The following ADAM22 variants were observed in gnomAD, a reference collection of about 807,000 sequenced individuals.
The protein encoded by ADAM22 is disintegrin and metalloproteinase domain-containing protein 22.
A neutral mutation model predicts 144.6 loss-of-function variants in ADAM22; 65 were observed. That is an observed-to-expected ratio of 0.45 (90% CI 0.37 to 0.55). The LOEUF is 0.55. Among genes scored for constraint, ADAM22 ranks in the 20% least tolerant of loss-of-function variants. The probability of loss-of-function intolerance (pLI) is 0.00; values close to 1 mark genes in which losing one functional copy is unlikely to be tolerated. For synonymous variants in ADAM22, 391 were observed against 412.6 expected (o/e 0.95, Z 0.63); for missense variants, 974 against 1,184.9 (o/e 0.82, Z 2.61).
chr7:88,073,231 C>A (rs1352929613), intron 3 of ADAM22, among the ~76,000 whole-genome samples: 1 of 152,080 alleles, frequency 6.6e-6, no homozygotes, highest in Non-Finnish European at 1.5e-5. Flanking sequence ...ATGCTAAGAG[C>A]TATTTTTGAA....
intron 14 of ADAM22, 36 bp from the exon 15 acceptor site, chr7:88,142,990 G>T: frequency 7.4e-7 from 1 of 1,350,396 alleles, no homozygotes; most frequent in Non-Finnish European, 1.1e-6. Flanking sequence ...AGAAAGATGA[G>T]TTGAACCCAG....
intron 3 of ADAM22, among the ~76,000 whole-genome samples, chr7:87,997,853 A>G (rs989458321): frequency 1.3e-5 from 2 of 152,220 alleles, no homozygotes; most frequent in African/African-American, 4.8e-5. Context: ...TATATGAAAG[A>G]GAGTTTATTA....
chr7:88,070,692 T>C (rs1261550467), intron 3 of ADAM22, among the ~76,000 whole-genome samples: 4 of 152,190 alleles, frequency 2.6e-5, no homozygotes, highest in Admixed American at 2.6e-4. Flanking sequence ...AGGATACATT[T>C]TGAAGGTAGA....
intron 3 of ADAM22, among the ~76,000 whole-genome samples, chr7:88,000,507 A>G (rs559235149): frequency 6.6e-6 from 1 of 152,184 alleles, no homozygotes; most frequent in South Asian, 2.1e-4. Context: ...ATCATTTTGA[A>G]AAATAAATAT....
chr7:88,090,537 T>C (rs1387353100), intron 4 of ADAM22, among the ~76,000 whole-genome samples: 1 of 152,200 alleles, frequency 6.6e-6, no homozygotes, highest in African/African-American at 2.4e-5. Flanking sequence ...TAAAAATATT[T>C]ATCAATACAT....
intron 7 of ADAM22, among the ~76,000 whole-genome samples, chr7:88,117,209 A>G (rs1341083760): frequency 2.6e-5 from 4 of 152,198 alleles, no homozygotes; most frequent in Non-Finnish European, 5.9e-5. Context: ...ATTTTAAGAA[A>G]GAACTATTAT....
intron 4 of ADAM22, among the ~76,000 whole-genome samples, chr7:88,100,875 T>C (rs1174026291): frequency 6.6e-6 from 1 of 151,864 alleles, no homozygotes; most frequent in East Asian, 1.9e-4. Flanking sequence ...AGGTTCCTGA[T>C]GTTGATGCCA....
At chr7:88,020,982 A>G (rs781551529) in intron 3 of ADAM22, among the ~76,000 whole-genome samples, 17 of 152,158 alleles carry the variant, frequency 1.1e-4, no homozygotes, top group Non-Finnish European at 2.1e-4. Flanking sequence ...CCTGAGAGGA[A>G]CCACAATCTT....
chr7:88,176,894 A>G (rs896888195), intron 26 of ADAM22, among the ~76,000 whole-genome samples: 4 of 152,164 alleles, frequency 2.6e-5, no homozygotes, highest in African/African-American at 7.2e-5. Flanking sequence ...CCACCTGAGT[A>G]GCTGGGATTA....
chr7:88,182,023 G>C lies in ADAM22; in HGVS notation c.2662G>C (p.Glu888Gln). 1 of 1,613,352 alleles carries C rather than the reference G, an allele frequency of 6.2e-7. No homozygotes were observed. Residue 888 changes from glutamate (E) to glutamine (Q), a missense_variant and splice_region_variant, in exon 29 of 32, where the codon GAG (glutamate) becomes CAG (glutamine). Physicochemically the swap from Glu to Gln is conservative, Grantham distance 29. Transcript: ENST00000413139. ...ATTTAGACCTCGGTCTAATTCAACTGAGTAAGTCTGAACCTCTAATGGAAA... is the reference window on the plus strand; with the variant it reads ...ATTTAGACCTCGGTCTAATTCAACTCAGTAAGTCTGAACCTCTAATGGAAA... ...KRFRPRSNSTEYLNPWFKRDY... is the reference protein window; with the variant it reads ...KRFRPRSNSTQYLNPWFKRDY...
intron 3 of ADAM22, among the ~76,000 whole-genome samples, chr7:88,024,959 C>G (rs1798682574): frequency 6.6e-6 from 1 of 152,116 alleles, no homozygotes; most frequent in Non-Finnish European, 1.5e-5. Context: ...CATTGTTGGA[C>G]ATTTGGGTTG....
At chr7:88,123,143 G>T (rs550840559) in intron 7 of ADAM22, among the ~76,000 whole-genome samples, 3 of 152,192 alleles carry the variant, frequency 2.0e-5, no homozygotes, top group South Asian at 2.1e-4. Context: ...GATTATATTT[G>T]TGTGTATTAC....
rs1180165380 is a variant in ADAM22 at position 88,013,218 on chromosome 7, T to C, written c.323+34806T>C. On this transcript the variant is annotated intron_variant, in intron 3 of 31. Coordinates refer to ENST00000413139, the MANE Select transcript of ADAM22 (RefSeq NM_001324418.2). The stretch of plus-strand genomic sequence containing the variant: ...AACTGATCTTAGCTATTATTCTCTA[T>C]GTTCACCTGTTTTTCCAGATTTTGG... 4.6e-5 allele frequency among the ~76,000 whole-genome samples: 7 copies of C among 152,332 alleles called. No individual in the cohort carries two copies. In the East Asian group the frequency reaches 7.7e-4, roughly 17 times the overall value.
chr7:87,955,208 A>G (rs1333517242), intron 2 of ADAM22, among the ~76,000 whole-genome samples: 2 of 152,252 alleles, frequency 1.3e-5, no homozygotes, highest in East Asian at 1.9e-4. Context: ...GAGGAGAGGC[A>G]CTCTGCTTTT....
chr7:88,149,561 G>T (rs1837706285), intron 18 of ADAM22, among the ~76,000 whole-genome samples: 1 of 152,176 alleles, frequency 6.6e-6, no homozygotes, highest in South Asian at 2.1e-4. Context: ...TTTGGTGGGA[G>T]TTCACAGATT....
intron 3 of ADAM22, among the ~76,000 whole-genome samples, chr7:88,044,745 G>A (rs1253618259): frequency 1.4e-5 from 2 of 144,050 alleles, no homozygotes; most frequent in African/African-American, 5.2e-5. Context: ...TTTTTTTTGA[G>A]AGGAAGTCTT....
At chr7:88,028,760 C>G (rs1799579729) in intron 3 of ADAM22, among the ~76,000 whole-genome samples, 1 of 151,438 alleles carries the variant, frequency 6.6e-6, no homozygotes, top group African/African-American at 2.4e-5. Flanking sequence ...ATATAATGAC[C>G]TTCTTTGTCT....
At chr7:87,943,224 C>T (rs1036970424) in intron 2 of ADAM22, among the ~76,000 whole-genome samples, 1 of 150,760 alleles carries the variant, frequency 6.6e-6, no homozygotes, top group Non-Finnish European at 1.5e-5. Context: ...GAGTGATTTA[C>T]ATGCATTATC....
intron 2 of ADAM22, among the ~76,000 whole-genome samples, chr7:87,977,439 A>G (rs1852160387): frequency 6.6e-6 from 1 of 152,168 alleles, no homozygotes; most frequent in African/African-American, 2.4e-5. Flanking sequence ...CTCTAAAATA[A>G]TGTTTGTCAC....
Sources: gnomAD v4.1 joint callset for allele counts (sites outside exome capture counted in the v4.1 genomes callset) on GRCh38, gnomAD v4.1.1 for gene constraint, MANE v1.5 for transcripts, NCBI Gene and HGNC (gene_info 2026-07-23, HGNC 2026-07-21) for gene names.